Variants in CNTN5 observed in about 807,000 individuals in gnomAD.
CNTN5 encodes the protein contactin-5.
CNTN5 carries 77 observed loss-of-function variants against 129.1 expected under a neutral mutation model. The ratio of observed to expected loss-of-function variants is 0.60; its 90% CI spans 0.50 to 0.72. CNTN5 has a LOEUF of 0.72. Ranked by LOEUF, CNTN5 falls within the 30% of genes least tolerant of loss-of-function variation. The pLI is 0.00. For missense variants in CNTN5, 1,478 were observed against 1,328.8 expected, an observed-to-expected ratio of 1.11 and a Z score of -1.75; for synonymous variants, 509 against 465.6, an observed-to-expected ratio of 1.09 and a Z score of -1.20.
At chr11:100,147,031 A>T (rs1946872858) in intron 13 of CNTN5, among the ~76,000 whole-genome samples, 1 of 152,076 alleles carries the variant, frequency 6.6e-6, no homozygotes, top group Non-Finnish European at 1.5e-5. Context: ...TCACATGTAA[A>T]CGTGATCATG....
intron 2 of CNTN5, among the ~76,000 whole-genome samples, chr11:99,387,824 C>T (rs1941005215): frequency 1.3e-5 from 2 of 152,136 alleles, no homozygotes; most frequent in Non-Finnish European, 2.9e-5. Context: ...ATGCTGTTGC[C>T]ACTTTTTAGA....
At chr11:100,190,085 A>C (rs2138498193) in intron 13 of CNTN5, among the ~76,000 whole-genome samples, 1 of 152,286 alleles carries the variant, frequency 6.6e-6, no homozygotes, top group East Asian at 1.9e-4. Context: ...AAAATAACAT[A>C]AAGAATGTTG....
At chr11:99,610,260 C>T (rs998134439) in intron 3 of CNTN5, among the ~76,000 whole-genome samples, 2 of 152,132 alleles carry the variant, frequency 1.3e-5, no homozygotes, top group African/African-American at 4.8e-5. Flanking sequence ...AATGGGTTCT[C>T]TAGTCTGCCA....
chr11:99,789,078 CAAAA>C (rs1005455683), intron 3 of CNTN5, among the ~76,000 whole-genome samples: 2 of 150,232 alleles, frequency 1.3e-5, no homozygotes, highest in Non-Finnish European at 3.0e-5. Flanking sequence ...AAGAAACAAA[CAAAA>C]AAAAATTATA....
At chr11:99,409,830 TG>T in intron 2 of CNTN5, among the ~76,000 whole-genome samples, 1 of 151,754 alleles carries the variant, frequency 6.6e-6, no homozygotes, top group East Asian at 2.0e-4. Context: ...GTAAGAATTA[TG>T]TGACTACTTA....
intron 23 of CNTN5, among the ~76,000 whole-genome samples, chr11:100,344,058 T>A (rs1034582926): frequency 6.6e-6 from 1 of 152,016 alleles, no homozygotes. Context: ...TTTCCATACT[T>A]AATTGGAATA....
intron 13 of CNTN5, among the ~76,000 whole-genome samples, chr11:100,115,177 C>G (rs931313388): frequency 6.9e-6 from 1 of 144,798 alleles, no homozygotes; most frequent in Non-Finnish European, 1.5e-5. Flanking sequence ...GTGGCATAAA[C>G]CTGGTTGCAT....
At chr11:100,155,733 A>G (rs928064180) in intron 13 of CNTN5, among the ~76,000 whole-genome samples, 1 of 146,374 alleles carries the variant, frequency 6.8e-6, no homozygotes, top group African/African-American at 2.4e-5. Flanking sequence ...GGTCCTTCAC[A>G]TCCCTTGTAA....
intron 1 of CNTN5, among the ~76,000 whole-genome samples, chr11:99,236,824 G>A (rs1419080359): frequency 1.3e-5 from 2 of 151,858 alleles, no homozygotes; most frequent in Non-Finnish European, 1.5e-5. Context: ...GAAATTTAGA[G>A]TCATTGTCAA....
intron 1 of CNTN5, among the ~76,000 whole-genome samples, chr11:99,218,190 A>C (rs1159181333): frequency 6.6e-6 from 1 of 152,068 alleles, no homozygotes; most frequent in East Asian, 1.9e-4. Flanking sequence ...TCTATTTATA[A>C]TACTATCTTC....
intron 6 of CNTN5, among the ~76,000 whole-genome samples, chr11:99,845,960 T>C (rs1211855540): frequency 1.3e-5 from 2 of 152,130 alleles, no homozygotes; most frequent in Non-Finnish European, 2.9e-5. Context: ...TAGTCACCAT[T>C]TGCTATGGAT....
At chr11:99,977,808 A>G (rs1466411804) in intron 8 of CNTN5, among the ~76,000 whole-genome samples, 1 of 152,186 alleles carries the variant, frequency 6.6e-6, no homozygotes, top group African/African-American at 2.4e-5. Context: ...CTTATCACAC[A>G]TTGTCAAAGA....
intron 8 of CNTN5, among the ~76,000 whole-genome samples, chr11:99,988,851 TTGTGTGTGTGTGTGTG>T (rs59171240): frequency 8.7e-5 from 13 of 150,144 alleles, no homozygotes; most frequent in East Asian, 2.0e-4. Flanking sequence ...GTGTGTGTGT[TTGTGTGTGTGTGTGTG>T]TGTGTGTGTG....
chr11:99,770,554 G>T (rs1944909144), intron 3 of CNTN5, among the ~76,000 whole-genome samples: 1 of 151,990 alleles, frequency 6.6e-6, no homozygotes, highest in South Asian at 2.1e-4. Flanking sequence ...ACTCAATTAT[G>T]TCAATATCTC....
chr11:99,979,864 G>A (rs193129340), intron 8 of CNTN5, among the ~76,000 whole-genome samples: 8 of 152,222 alleles, frequency 5.3e-5, no homozygotes, highest in East Asian at 1.9e-4. Context: ...CTCTGAAGCC[G>A]GACTTCCTGA....
At chr11:99,588,518 G>A (rs11220557) in intron 3 of CNTN5, among the ~76,000 whole-genome samples, 9,447 of 152,184 alleles carry the variant, frequency 0.062, 356 homozygotes, top group Non-Finnish European at 0.074. Context: ...CTGGGACTTT[G>A]GGACAAGGTA....
intron 8 of CNTN5, among the ~76,000 whole-genome samples, chr11:99,965,285 C>T (rs1444738180): frequency 1.3e-5 from 2 of 152,112 alleles, no homozygotes; most frequent in East Asian, 1.9e-4. Flanking sequence ...CCTGCTTTCT[C>T]TTTTGGTCAT....
chr11:99,223,221 G>T (rs549329610), intron 1 of CNTN5, among the ~76,000 whole-genome samples: 33 of 152,186 alleles, frequency 2.2e-4, no homozygotes, highest in African/African-American at 7.7e-4. Flanking sequence ...GTGTACATCA[G>T]AGAAAAAACA....
At chr11:99,067,589 T>A (rs1865155143) in intron 1 of CNTN5, among the ~76,000 whole-genome samples, 1 of 152,078 alleles carries the variant, frequency 6.6e-6, no homozygotes, top group African/African-American at 2.4e-5. Context: ...AAGGAGATAT[T>A]TTAGAGTATT....
Sources: gnomAD v4.1 joint callset for allele counts (sites outside exome capture counted in the v4.1 genomes callset) on GRCh38, gnomAD v4.1.1 for gene constraint, MANE v1.5 for transcripts, NCBI Gene and HGNC (gene_info 2026-07-23, HGNC 2026-07-21) for gene names.